E2F8: variants seen among roughly 807,000 people sequenced by gnomAD.
E2F8 encodes E2F transcription factor 8.
In E2F8, 35 loss-of-function variants were observed where a neutral mutation model predicts 80.8. The ratio of observed to expected loss-of-function variants is 0.43; its 90% confidence interval spans 0.33 to 0.57. E2F8 has a LOEUF of 0.57. Ranked by LOEUF, E2F8 falls within the 20% of genes least tolerant of loss-of-function variation. The pLI, the probability that E2F8 is intolerant of heterozygous loss-of-function variation, is 0.04. For missense variants in E2F8, 975 were observed against 1,056.2 expected (o/e 0.92, Z 1.07); for synonymous variants, 386 against 395.0 (o/e 0.98, Z 0.27).
In E2F8 at chr11:19,224,623, T is replaced by G. The variant is rs1191692505; in HGVS notation, c.*35A>C. On this transcript the variant is annotated 3_prime_UTR_variant, in exon 13 of 13. Transcript: ENST00000250024. ...GTGTACATTTTCTCTATTAAACAAC[T>G]CTTTAGAAAATTAAACTAAGCCAAC... 1 of 1,605,090 alleles carries G rather than the reference T, an allele frequency of 6.2e-7. No individual in the cohort carries two copies. The highest frequency in any genetic ancestry group is 1.7e-5 in the Admixed American group (1 of 59,568).
At chr11:19,231,118 A>G (rs1015427533) in intron 7 of E2F8, among the ~76,000 whole-genome samples, 6 of 152,236 alleles carry the variant, frequency 3.9e-5, no homozygotes, top group African/African-American at 1.4e-4. Context: ...TGATATAGAA[A>G]GAATTGTGCA....
intron 4 of E2F8, among the ~76,000 whole-genome samples, chr11:19,237,038 A>C (rs1176663296): frequency 2.0e-5 from 3 of 152,260 alleles, no homozygotes; most frequent in African/African-American, 7.2e-5. Context: ...TTGTGAAACA[A>C]GTCATGAGAC....
rs377653520 is a variant in E2F8 at position 19,225,811 on chromosome 11, C to G, written c.1947G>C (p.Gly649=). Residue 649 remains glycine, a synonymous_variant, in exon 11 of 13, where the codon GGG becomes GGC. Transcript: ENST00000250024. The part of the protein sequence containing the change: ...LIPLTQCSSL[G]AESILSGKEN... The stretch of plus-strand genomic sequence containing the variant: ...CTTTACCAGACAAAATGGACTCTGC[C>G]CCCAGGGATGAGCACTGCGTGAGAG... 5.0e-6 allele frequency: 8 copies of G among 1,613,898 alleles called. No homozygotes were observed. Among genetic ancestry groups the G allele is most frequent in the Non-Finnish European group, 6.8e-6 (8 of 1,179,994 alleles).
chr11:19,231,632 C>A (rs185662104), intron 7 of E2F8, among the ~76,000 whole-genome samples: 40 of 152,270 alleles, frequency 2.6e-4, no homozygotes, highest in Non-Finnish European at 5.3e-4. Context: ...ACTTTGATAC[C>A]AGAGTGAACT....
At chr11:19,233,754 C>T (rs1164316561) in intron 6 of E2F8, among the ~76,000 whole-genome samples, 1 of 151,920 alleles carries the variant, frequency 6.6e-6, no homozygotes, top group Non-Finnish European at 1.5e-5. Context: ...TCCCAAAGTG[C>T]TGAGATTACA....
At position 19,232,371 on chromosome 11, in the gene E2F8, G is replaced by T. The variant is rs746320137; in HGVS notation, c.929C>A (p.Thr310Lys). 9 of 1,605,180 alleles carry T rather than the reference G, an allele frequency of 5.6e-6. No homozygotes were observed. Among genetic ancestry groups the T allele is most frequent in the Non-Finnish European group, 7.6e-6 (9 of 1,177,388 alleles). The change falls in exon 7 of 13, where the codon ACA becomes AAA. Residue 310 changes from threonine to lysine, a missense_variant and splice_region_variant. Coordinates refer to ENST00000250024, the MANE Select transcript of E2F8 (RefSeq NM_024680.4). ...VEDLDKSKFKTKIRRLYDIAN... is the reference protein window; with the variant it reads ...VEDLDKSKFKKKIRRLYDIAN... The stretch of plus-strand genomic sequence containing the variant: ...TATATCATACAACCTCCTAATTTTT[G>T]CTGGGAAAAAAAGTATATATACCAC...
chr11:19,236,723 GT>G (rs1851528961), intron 4 of E2F8, among the ~76,000 whole-genome samples: 1 of 152,158 alleles, frequency 6.6e-6, no homozygotes, highest in South Asian at 2.1e-4. Context: ...CACTTCACAG[GT>G]TTAAATTAAG....
At chr11:19,227,836 T>A (rs1032485784) in intron 10 of E2F8, among the ~76,000 whole-genome samples, 6 of 152,208 alleles carry the variant, frequency 3.9e-5, no homozygotes, top group Non-Finnish European at 7.3e-5. Context: ...GCCTGTGATC[T>A]CAGCACTTTG....
chr11:19,236,900 G>A (rs1484362314), intron 4 of E2F8, among the ~76,000 whole-genome samples: 1 of 152,226 alleles, frequency 6.6e-6, no homozygotes, highest in Non-Finnish European at 1.5e-5. Flanking sequence ...AGGTCCAGGA[G>A]TGCACAGGTC....
chr11:19,231,643 C>T (rs1851386415), intron 7 of E2F8, among the ~76,000 whole-genome samples: 1 of 152,180 alleles, frequency 6.6e-6, no homozygotes, highest in African/African-American at 2.4e-5. Context: ...AGAGTGAACT[C>T]ATTTCATATT....
intron 4 of E2F8, among the ~76,000 whole-genome samples, chr11:19,235,842 A>G (rs1851506041): frequency 6.6e-6 from 1 of 152,212 alleles, no homozygotes; most frequent in Admixed American, 6.5e-5. Flanking sequence ...TAGAAACAAA[A>G]TGCTGAGATT....
At position 19,238,019 on chromosome 11, in the gene E2F8, G is replaced by A. The variant is rs202133273; in HGVS notation, c.129C>T (p.Thr43=). The A allele has an allele frequency of 6.2e-7, 1 of 1,614,144 alleles. No homozygotes were observed. The highest frequency in any genetic ancestry group is 1.3e-5 in the African/African-American group (1 of 75,024). ...AGCCTTCCTTGGGCTTGGTAGGTGT[G>A]GTTAAAGGGCCAAAGTCAGGCTGGA... ...AEIQPDFGPL[T]TPTKPKEGSQ... The change falls in exon 3 of 13, where the codon ACC becomes ACT. Residue 43 remains threonine (T), a synonymous_variant. Transcript: ENST00000250024.
In E2F8 at chr11:19,224,811, T is replaced by C; in HGVS notation, c.2451A>G (p.Gln817=). The C allele has an allele frequency of 1.2e-6, 2 of 1,614,214 alleles. No individual in the cohort carries two copies. The highest frequency in any genetic ancestry group is 1.7e-6 in the Non-Finnish European group (2 of 1,180,034). The change falls in exon 13 of 13, where the codon CAA becomes CAG. Residue 817 remains glutamine (Q), a synonymous_variant. Transcript: ENST00000250024. Reference sequence around the variant, plus strand: ...TACGGAAGAAACTTTCGGCCACTAATTGTGACCCTTTGGGTGTCACAGGAA... The same window carrying C: ...TACGGAAGAAACTTTCGGCCACTAACTGTGACCCTTTGGGTGTCACAGGAA... ...QPVPVTPKGS[Q]LVAESFFRTP... is the part of the protein sequence containing the mutation.
chr11:19,225,696 C>T (rs374727585), intron 11 of E2F8, 36 bp downstream of exon 11: 17 of 1,611,974 alleles, frequency 1.1e-5, no homozygotes, highest in Middle Eastern at 1.6e-4. Flanking sequence ...AACTTGAGAC[C>T]GGCCCACATC....
At chr11:19,230,110 G>A (rs1435985308) in intron 9 of E2F8, 122 bp from the exon 10 acceptor site, 4 of 1,489,086 alleles carry the variant, frequency 2.7e-6, no homozygotes, top group Non-Finnish European at 2.7e-6. Context: ...TCTGTAATGA[G>A]TGAGTATGAG....
At chr11:19,230,466 C>A in intron 8 of E2F8, 138 bp from the exon 9 acceptor site, 3 of 1,193,558 alleles carry the variant, frequency 2.5e-6, no homozygotes, top group Non-Finnish European at 3.5e-6. Flanking sequence ...CAATAAACCC[C>A]ACAAATGACT....
Position 19,240,573 on chromosome 11 carries a change from T to A in E2F8, c.-135A>T, listed in dbSNP as rs1851632849. ...CTGTTCGCAGATCAGGGCTCCGGAC[T>A]AAGCGCACGAGCCCAGGTCCCAGCT... On this transcript the variant is annotated 5_prime_UTR_variant, in exon 1 of 13. It removes the in-frame stop codon of an upstream open reading frame in the 5' UTR. Transcript: ENST00000250024. The A allele has an allele frequency of 6.6e-6, 1 of 152,576 alleles. No individual in the cohort carries two copies. Among genetic ancestry groups the A allele is most frequent in the Non-Finnish European group, 1.5e-5 (1 of 68,378 alleles). 9.5% of individuals were successfully genotyped at this position (152,576 alleles called of 1,614,324 possible). A position where few individuals can be genotyped will look rare whatever the true frequency, so the allele number is the denominator to read the frequency against.
chr11:19,237,761 T>C, intron 3 of E2F8, 93 bp downstream of exon 3: 7 of 1,482,614 alleles, frequency 4.7e-6, no homozygotes, highest in Non-Finnish European at 6.4e-6. Flanking sequence ...CGGGTGGTGA[T>C]GCTTTAAATT....
Position 19,233,348 on chromosome 11 carries a change from C to T in E2F8, c.929-977G>A, listed in dbSNP as rs557823520. Among the ~76,000 whole-genome samples, 4 of 152,320 alleles carry T rather than the reference C, an allele frequency of 2.6e-5. No homozygotes were observed. The East Asian group carries it at 7.7e-4, about 29-fold the overall frequency. On this transcript the variant is annotated intron_variant, in intron 6 of 12. Transcript: ENST00000250024. ...CCATTCTTTCAAAATGGCAGACTAC[C>T]TGTGCTGCAGGTCACTTCTGGGGAC...
Sources: allele counts gnomAD v4.1 joint callset (sites outside exome capture counted in the v4.1 genomes callset), GRCh38; gene constraint gnomAD v4.1.1; transcripts MANE v1.5; gene names NCBI Gene and HGNC (gene_info 2026-07-23, HGNC 2026-07-21).